Variants in MYH11 observed in about 807,000 individuals in gnomAD.
The protein encoded by MYH11 is myosin-11.
MYH11 carries 80 observed loss-of-function variants against 246.6 expected under a neutral mutation model. The ratio of observed to expected loss-of-function variants is 0.32; its 90% CI spans 0.27 to 0.39. MYH11 has a LOEUF of 0.39. Among genes scored for constraint, MYH11 ranks in the 10% least tolerant of loss-of-function variants. The pLI, the probability that MYH11 is intolerant of heterozygous loss-of-function variation, is 1.00. For synonymous variants in MYH11, 1,071 were observed against 1,015.5 expected (o/e 1.05, Z -1.04); for missense variants, 2,158 against 2,546.8 (o/e 0.85, Z 3.29).
rs1359254170 is a variant in MYH11, at chr16:15,703,767, T to A, written c.*224A>T. ...CCACGCCCAGCTTATTTTTAAATTCTTGTATAGATGAGGTTTTACTACGTT... is the reference window on the plus strand; with the variant it reads ...CCACGCCCAGCTTATTTTTAAATTCATGTATAGATGAGGTTTTACTACGTT... On this transcript the variant is annotated 3_prime_UTR_variant, in exon 41 of 41. Coordinates refer to ENST00000300036, the MANE Select transcript of MYH11 (RefSeq NM_002474.3). The A allele has an allele frequency of 3.3e-6, 2 of 602,706 alleles. No individual in the cohort carries two copies. The highest frequency in any genetic ancestry group is 3.7e-5 in the African/African-American group (2 of 53,506). The allele number at this position is 602,706 out of a possible 1,614,324, so 37.3% of individuals were successfully genotyped here. A position where few individuals can be genotyped will look rare whatever the true frequency, so the allele number is the denominator to read the frequency against.
In MYH11 at chr16:15,715,099, AG is replaced by A. The variant is rs759257352; in HGVS notation, c.5614-19del. 2 of 1,470,808 alleles carry A rather than the reference AG, an allele frequency of 1.4e-6. No homozygotes were observed. Among genetic ancestry groups the A allele is most frequent in the Non-Finnish European group, 1.8e-6 (2 of 1,089,496 alleles). 91.1% of individuals were successfully genotyped at this position (1,470,808 alleles called of 1,614,324 possible). A position where few individuals can be genotyped will look rare whatever the true frequency, so the allele number is the denominator to read the frequency against. ...TTCTCTGCCTGTCGCGGAGAGTTGG[AG>A]GGGTGGTTAGGGGAGGCCGGCTGGG... On this transcript the variant is annotated intron_variant, in intron 39 of 40. Coordinates refer to ENST00000300036, the MANE Select transcript of MYH11 (RefSeq NM_002474.3).
At position 15,784,609 on chromosome 16, in the gene MYH11, C is replaced by T. The variant is rs79602457; in HGVS notation, c.633+2021G>A. The T allele has an allele frequency of 8.5e-4, 1,209 of 1,422,762 alleles. 2 individuals carry two copies. Among genetic ancestry groups the T allele is most frequent in the African/African-American group, 5.7e-3 (403 of 70,726 alleles). The allele number at this position is 1,422,762 out of a possible 1,614,324, so 88.1% of individuals were successfully genotyped here. A position where few individuals can be genotyped will look rare whatever the true frequency, so the allele number is the denominator to read the frequency against. On this transcript the variant is annotated intron_variant, in intron 5 of 40. Transcript: ENST00000300036. ...CCTACCCCATTTCTACCACCAGCTA[C>T]GGGACTCGGTGGGTGCAAGAGGATC...
chr16:15,830,455 TCTA>T (rs2043703571), intron 2 of MYH11, among the ~76,000 whole-genome samples: 1 of 152,190 alleles, frequency 6.6e-6, no homozygotes, highest in Non-Finnish European at 1.5e-5. Context: ...TGGCCCTCTC[TCTA>T]CTACCATGGA....
At chr16:15,708,226 G>A (rs1015575428) in intron 40 of MYH11, among the ~76,000 whole-genome samples, 2 of 152,154 alleles carry the variant, frequency 1.3e-5, no homozygotes, top group African/African-American at 2.4e-5. Flanking sequence ...GTCAGACATC[G>A]CAGTGAGCTC....
intron 38 of MYH11, among the ~76,000 whole-genome samples, chr16:15,715,984 G>A (rs2040109647): frequency 6.6e-6 from 1 of 152,052 alleles, no homozygotes. Flanking sequence ...ATTACAAGCT[G>A]GGTACAGTGG....
chr16:15,725,034 G>A (rs1178058463), intron 28 of MYH11, 42 bp from the exon 29 acceptor site: 2 of 1,567,944 alleles, frequency 1.3e-6, no homozygotes, highest in Non-Finnish European at 1.8e-6. Flanking sequence ...CCTCTAGAAG[G>A]GGATCCTCGT....
intron 20 of MYH11, among the ~76,000 whole-genome samples, chr16:15,742,761 A>G (rs896331143): frequency 1.3e-5 from 2 of 152,026 alleles, no homozygotes; most frequent in African/African-American, 4.8e-5. Context: ...AAATTATAAG[A>G]TATGTATTAC....
Position 15,721,021 on chromosome 16 carries a change from G to A in MYH11, c.4609C>T (p.Leu1537=). The A allele has an allele frequency of 6.2e-7, 1 of 1,613,960 alleles. No individual in the cohort carries two copies. Among genetic ancestry groups the A allele is most frequent in the Non-Finnish European group, 8.5e-7 (1 of 1,180,010 alleles). ...VHELEKSKRA[L]ETQMEEMKTQ... is the part of the protein sequence containing the mutation. ...TTCATCTCCTCCATCTGGGTCTCCA[G>A]GGCCCGCTTGGACTTCTCCAGCTCA... Residue 1537 remains leucine (L), a synonymous_variant, in exon 33 of 41, where the codon CTG becomes TTG. Coordinates refer to ENST00000300036, the MANE Select transcript of MYH11 (RefSeq NM_002474.3).
At chr16:15,845,500 G>C (rs2044164190) in intron 1 of MYH11, among the ~76,000 whole-genome samples, 1 of 152,022 alleles carries the variant, frequency 6.6e-6, no homozygotes, top group Non-Finnish European at 1.5e-5. Flanking sequence ...CTAACCAATA[G>C]CATTTACTAC....
intron 10 of MYH11, 55 bp downstream of exon 10, chr16:15,763,741 T>TGGGGGGGCCCCCCCCCC: frequency 1.5e-6 from 1 of 646,860 alleles, no homozygotes; most frequent in Non-Finnish European, 2.9e-6. Context: ...AAATGTCACC[T>TGGGGGGGCCCCCCCCCC]CCCCCACCCC....
chr16:15,773,666 A>C (rs941673581), intron 8 of MYH11, among the ~76,000 whole-genome samples: 3 of 152,026 alleles, frequency 2.0e-5, no homozygotes, highest in Admixed American at 6.6e-5. Flanking sequence ...TGTTTTTGTA[A>C]ATAAAGTTTT....
intron 3 of MYH11, among the ~76,000 whole-genome samples, chr16:15,819,045 AT>A (rs1395914448): frequency 1.3e-5 from 2 of 151,638 alleles, no homozygotes; most frequent in Non-Finnish European, 2.9e-5. Context: ...TGGCCAGCTA[AT>A]TATTTTTTTG....
intron 2 of MYH11, among the ~76,000 whole-genome samples, chr16:15,837,204 C>G (rs1465945452): frequency 6.6e-6 from 1 of 152,192 alleles, no homozygotes; most frequent in Non-Finnish European, 1.5e-5. Flanking sequence ...GCCACATCCT[C>G]ATGTCTCCTA....
At chr16:15,735,272 T>G (rs2041082483) in intron 26 of MYH11, 94 bp downstream of exon 26, 4 of 1,353,480 alleles carry the variant, frequency 3.0e-6, no homozygotes, top group Non-Finnish European at 4.2e-6. Flanking sequence ...GCACAGGGGC[T>G]GATGCACGAT....
chr16:15,737,400 C>T (rs2041149931), intron 25 of MYH11, 49 bp downstream of exon 25: 1 of 1,603,276 alleles, frequency 6.2e-7, no homozygotes, highest in Non-Finnish European at 8.5e-7. Context: ...GAGCAGGGGC[C>T]CAGGGGATAC....
chr16:15,756,244 A>T, intron 14 of MYH11, 97 bp downstream of exon 14: 1 of 1,388,564 alleles, frequency 7.2e-7, no homozygotes, highest in Non-Finnish European at 1.0e-6. Context: ...TGCAGTTTCC[A>T]GGCAGCCCAA....
rs1567699749 is a variant in MYH11 at position 15,724,339 on chromosome 16, CTCT to C, written c.4184_4186del (p.Lys1395del). ...GAGGTTCTCGATCTCCTTCTGGAAC[CTCT>C]TCTTCCCCTCTTCCAGAGCTTCCAC... On this transcript the variant is annotated inframe_deletion, in exon 31 of 41. Coordinates refer to ENST00000300036, the MANE Select transcript of MYH11 (RefSeq NM_002474.3). 1 of 1,614,136 alleles carries C rather than the reference CTCT, an allele frequency of 6.2e-7. No individual in the cohort carries two copies. The highest frequency in any genetic ancestry group is 1.1e-5 in the South Asian group (1 of 91,084).
Position 15,739,496 on chromosome 16 carries a change from A to G in MYH11, c.2997+555T>C, listed in dbSNP as rs113624595. 1.9e-3 allele frequency among the ~76,000 whole-genome samples: 289 copies of G among 152,274 alleles called. 4 individuals carry two copies. Among genetic ancestry groups the G allele is most frequent in the Middle Eastern group, 0.017 (5 of 294 alleles). ...GCCATCTCACTACAGTATAAACCCC[A>G]CAAGGGAAGGGTCCTCCTTCACCAT... On this transcript the variant is annotated intron_variant, in intron 23 of 40. Coordinates refer to ENST00000300036, the MANE Select transcript of MYH11 (RefSeq NM_002474.3).
chr16:15,708,335 G>A (rs1394992416), intron 40 of MYH11, among the ~76,000 whole-genome samples: 1 of 152,152 alleles, frequency 6.6e-6, no homozygotes, highest in Non-Finnish European at 1.5e-5. Flanking sequence ...TTGTGACCCA[G>A]ACCAGCCAAC....
Sources: allele counts gnomAD v4.1 joint callset (sites outside exome capture counted in the v4.1 genomes callset), GRCh38; gene constraint gnomAD v4.1.1; transcripts MANE v1.5; gene names NCBI Gene and HGNC (gene_info 2026-07-23, HGNC 2026-07-21).